Variants in MDGA2 observed in about 807,000 individuals in gnomAD.
MDGA2 encodes the protein MAM domain-containing glycosylphosphatidylinositol anchor protein 2.
Under a neutral mutation model 117.8 loss-of-function variants are expected in MDGA2, and 40 were observed. That is an observed-to-expected ratio of 0.34 (90% confidence interval 0.26 to 0.44). MDGA2 has a LOEUF of 0.44. Ranked by LOEUF, MDGA2 falls within the 20% of genes least tolerant of loss-of-function variation. MDGA2 has a pLI of 1.00. For synonymous variants in MDGA2, 452 were observed against 439.0 expected (o/e 1.03, Z -0.37); for missense variants, 1,123 against 1,250.6 (o/e 0.90, Z 1.54).
intron 1 of MDGA2, among the ~76,000 whole-genome samples, chr14:47,669,789 G>C (rs950420109): frequency 6.6e-6 from 1 of 151,974 alleles, no homozygotes; most frequent in African/African-American, 2.4e-5. Context: ...TTTTCCTACA[G>C]ACTAACACCC....
chr14:47,360,628 T>G (rs1486237877), intron 1 of MDGA2, among the ~76,000 whole-genome samples: 1 of 152,094 alleles, frequency 6.6e-6, no homozygotes, highest in African/African-American at 2.4e-5. Context: ...TTGGTGGGAA[T>G]GAAAATTAGT....
At chr14:47,251,479 T>TA (rs1284426056) in intron 2 of MDGA2, among the ~76,000 whole-genome samples, 5 of 138,668 alleles carry the variant, frequency 3.6e-5, no homozygotes, top group South Asian at 2.3e-4. Context: ...CATAATTTTT[T>TA]TAAAAAAACA....
intron 3 of MDGA2, among the ~76,000 whole-genome samples, chr14:47,187,028 C>T (rs930881526): frequency 1.4e-4 from 22 of 151,906 alleles, no homozygotes; most frequent in African/African-American, 5.1e-4. Context: ...TAGAAAGATG[C>T]TATTTACACA....
At chr14:47,178,195 T>C (rs1464729500) in intron 3 of MDGA2, among the ~76,000 whole-genome samples, 1 of 152,140 alleles carries the variant, frequency 6.6e-6, no homozygotes, top group Non-Finnish European at 1.5e-5. Flanking sequence ...GACCATGGTG[T>C]TTTAAAGTAA....
rs1418564763 is a variant in MDGA2 at position 47,218,145 on chromosome 14, T to C, written c.471A>G (p.Ser157=). The C allele has an allele frequency of 6.4e-7, 1 of 1,551,070 alleles. No individual in the cohort carries two copies. Among genetic ancestry groups the C allele is most frequent in the Non-Finnish European group, 8.7e-7 (1 of 1,146,554 alleles). ...TCCTCAAAGTCTCATTGAAGACACTTGAGTCTTGGAATCTGTCAGAGGCAC... is the reference window on the plus strand; with the variant it reads ...TCCTCAAAGTCTCATTGAAGACACTCGAGTCTTGGAATCTGTCAGAGGCAC... ...AGSASDRFQD[S]SVFNETLRIT... The change falls in exon 3 of 17, where the codon TCA becomes TCG. Residue 157 remains serine (S), a synonymous_variant. Coordinates refer to ENST00000399232, the MANE Select transcript of MDGA2 (RefSeq NM_001113498.3).
intron 1 of MDGA2, among the ~76,000 whole-genome samples, chr14:47,316,914 G>A (rs769604447): frequency 6.6e-6 from 1 of 152,184 alleles, no homozygotes; most frequent in South Asian, 2.1e-4. Flanking sequence ...TTGAGAATGA[G>A]AGAACTGAGG....
chr14:46,892,075 G>GT (rs1241465809), intron 10 of MDGA2, among the ~76,000 whole-genome samples: 1 of 151,590 alleles, frequency 6.6e-6, no homozygotes, highest in Non-Finnish European at 1.5e-5. Flanking sequence ...TATTAAAAAT[G>GT]TTTTTTAAAT....
intron 2 of MDGA2, among the ~76,000 whole-genome samples, chr14:47,270,808 A>G (rs10873006): frequency 0.62 from 94,171 of 152,028 alleles, 29,484 homozygotes; most frequent in East Asian, 0.71. Flanking sequence ...GTGAGCACAC[A>G]TGTGAATATG....
intron 1 of MDGA2, among the ~76,000 whole-genome samples, chr14:47,328,420 T>C (rs974268887): frequency 6.6e-6 from 1 of 152,174 alleles, no homozygotes; most frequent in Non-Finnish European, 1.5e-5. Flanking sequence ...CCTATTCTTC[T>C]TCTTTCAGGG....
intron 1 of MDGA2, among the ~76,000 whole-genome samples, chr14:47,463,505 T>C (rs556631726): frequency 6.6e-6 from 1 of 152,304 alleles, no homozygotes; most frequent in East Asian, 1.9e-4. Context: ...ATGAAGCACC[T>C]GATGAAAAAT....
At chr14:47,201,243 G>C in intron 3 of MDGA2, 3 of 492,972 alleles carry the variant, frequency 6.1e-6, no homozygotes, top group South Asian at 5.9e-5. Context: ...GCTACCAAAT[G>C]CTGTGATTTC....
At chr14:47,455,632 C>T (rs1283318850) in intron 1 of MDGA2, among the ~76,000 whole-genome samples, 1 of 152,008 alleles carries the variant, frequency 6.6e-6, no homozygotes, top group African/African-American at 2.4e-5. Flanking sequence ...GACAAAGAAA[C>T]AGTAGTAACA....
At chr14:47,510,349 T>C (rs559279629) in intron 1 of MDGA2, among the ~76,000 whole-genome samples, 19 of 152,322 alleles carry the variant, frequency 1.2e-4, no homozygotes, top group Admixed American at 1.0e-3. Context: ...TATAGAACTT[T>C]ATTATAGAAA....
chr14:47,165,222 C>A (rs1044830659), intron 3 of MDGA2, among the ~76,000 whole-genome samples: 5 of 152,012 alleles, frequency 3.3e-5, no homozygotes, highest in Non-Finnish European at 7.4e-5. Context: ...GCACATTGTG[C>A]ACATGTACCC....
At chr14:47,065,939 A>G (rs1890064139) in intron 6 of MDGA2, among the ~76,000 whole-genome samples, 2 of 152,222 alleles carry the variant, frequency 1.3e-5, no homozygotes, top group African/African-American at 4.8e-5. Flanking sequence ...AGATCTGGAT[A>G]TAGAAACCAT....
intron 1 of MDGA2, among the ~76,000 whole-genome samples, chr14:47,456,292 A>AT (rs1893350987): frequency 9.1e-6 from 1 of 109,784 alleles, no homozygotes; most frequent in African/African-American, 3.4e-5. Flanking sequence ...AAAATTGTTT[A>AT]CCTTTTTTTT....
intron 1 of MDGA2, among the ~76,000 whole-genome samples, chr14:47,336,134 G>A (rs1404138461): frequency 6.6e-6 from 1 of 151,862 alleles, no homozygotes; most frequent in East Asian, 1.9e-4. Flanking sequence ...AAGTGTAGGA[G>A]TGGAAGGTTT....
intron 1 of MDGA2, among the ~76,000 whole-genome samples, chr14:47,307,498 T>C (rs984967566): frequency 1.3e-5 from 2 of 152,058 alleles, no homozygotes; most frequent in African/African-American, 4.8e-5. Context: ...CTGGCTAACA[T>C]GGTGAAACCC....
intron 8 of MDGA2, among the ~76,000 whole-genome samples, chr14:46,963,436 T>C (rs1051729714): frequency 5.9e-5 from 9 of 152,246 alleles, no homozygotes; most frequent in Non-Finnish European, 8.8e-5. Flanking sequence ...TTGTTTGCTA[T>C]TCAGGACTTC....
Sources: allele counts gnomAD v4.1 joint callset (sites outside exome capture counted in the v4.1 genomes callset), GRCh38; gene constraint gnomAD v4.1.1; transcripts MANE v1.5; gene names NCBI Gene and HGNC (gene_info 2026-07-23, HGNC 2026-07-21).